AGBL4: variants seen among roughly 807,000 people sequenced by gnomAD.
The protein encoded by AGBL4 is AGBL carboxypeptidase 4.
Under a neutral mutation model 66.4 loss-of-function variants are expected in AGBL4, and 58 were observed. The ratio of observed to expected loss-of-function variants is 0.87; its 90% CI spans 0.71 to 1.09. The LOEUF is 1.09. Among genes scored for constraint, AGBL4 ranks in the 50% least tolerant of loss-of-function variants. The pLI is 0.00. For synonymous variants in AGBL4, 234 were observed against 222.9 expected (o/e 1.05, Z -0.44); for missense variants, 579 against 631.0 (o/e 0.92, Z 0.88).
chr1:50,005,782 T>A (rs959055393), intron 1 of AGBL4, among the ~76,000 whole-genome samples: 2 of 152,124 alleles, frequency 1.3e-5, no homozygotes, highest in African/African-American at 4.8e-5. Flanking sequence ...CAGAATCCTA[T>A]CAGATAAATT....
At chr1:48,746,388 GCAGGT>G (rs1650767685) in intron 6 of AGBL4, among the ~76,000 whole-genome samples, 1 of 152,060 alleles carries the variant, frequency 6.6e-6, no homozygotes, top group East Asian at 2.0e-4. Context: ...CCAGCACAGA[GCAGGT>G]CCTTGTACTC....
intron 5 of AGBL4, among the ~76,000 whole-genome samples, chr1:49,004,485 C>T (rs1296851583): frequency 2.0e-5 from 3 of 152,282 alleles, no homozygotes; most frequent in African/African-American, 7.2e-5. Context: ...ATGAATATGT[C>T]GCAGCCCCTA....
At chr1:49,385,966 T>C (rs1644728236) in intron 3 of AGBL4, among the ~76,000 whole-genome samples, 1 of 152,156 alleles carries the variant, frequency 6.6e-6, no homozygotes. Context: ...AGTACATTAG[T>C]AAAAATCTGT....
chr1:49,078,365 T>C (rs1288180554), intron 4 of AGBL4, among the ~76,000 whole-genome samples: 1 of 152,194 alleles, frequency 6.6e-6, no homozygotes, highest in African/African-American at 2.4e-5. Context: ...GATTTAATTG[T>C]CCACTAGATA....
chr1:49,743,025 G>A (rs1217575607), intron 2 of AGBL4, among the ~76,000 whole-genome samples: 2 of 152,092 alleles, frequency 1.3e-5, no homozygotes, highest in Admixed American at 1.3e-4. Context: ...CAAAAGCAAT[G>A]ACAACAAAAG....
chr1:49,630,883 A>G (rs1253187417), intron 3 of AGBL4, among the ~76,000 whole-genome samples: 1 of 152,218 alleles, frequency 6.6e-6, no homozygotes, highest in Non-Finnish European at 1.5e-5. Context: ...TTAATCGTTA[A>G]ATAGCTAACC....
chr1:49,414,831 T>C (rs1645393452), intron 3 of AGBL4, among the ~76,000 whole-genome samples: 1 of 152,140 alleles, frequency 6.6e-6, no homozygotes, highest in African/African-American at 2.4e-5. Context: ...TTGTGAGGAT[T>C]AGATGTATGT....
At chr1:48,663,655 A>G (rs1000719842) in intron 6 of AGBL4, among the ~76,000 whole-genome samples, 2 of 152,168 alleles carry the variant, frequency 1.3e-5, no homozygotes, top group African/African-American at 4.8e-5. Context: ...GTTTGTTGTG[A>G]TGATTAAACA....
chr1:49,019,120 G>A (rs984842361), intron 5 of AGBL4, among the ~76,000 whole-genome samples: 4 of 152,158 alleles, frequency 2.6e-5, no homozygotes, highest in Admixed American at 2.6e-4. Flanking sequence ...GGCTATTATT[G>A]AAGGTAGTGA....
intron 2 of AGBL4, chr1:49,841,815 T>A (rs1445652109): frequency 6.2e-6 from 2 of 324,372 alleles, no homozygotes; most frequent in South Asian, 3.8e-5. Flanking sequence ...AAAAAAAAAA[T>A]CCCACCGGCA....
At chr1:49,222,275 T>C (rs565430894) in intron 4 of AGBL4, among the ~76,000 whole-genome samples, 1 of 148,032 alleles carries the variant, frequency 6.8e-6, no homozygotes, top group East Asian at 2.0e-4. Context: ...AACCAAAGAA[T>C]ACAACTTAAA....
At chr1:49,341,713 C>T (rs1645542820) in intron 3 of AGBL4, among the ~76,000 whole-genome samples, 1 of 152,094 alleles carries the variant, frequency 6.6e-6, no homozygotes, top group Non-Finnish European at 1.5e-5. Flanking sequence ...TTTTCTCTCC[C>T]AAAGGGGGAA....
rs1271278910 is a variant in AGBL4, at chr1:49,169,624, A to AT, written c.377+76145dup. ...TTTTCATCACTTCAGAAGGCAGCCC[A>AT]TTAAGCAGTTATTTCCCATCCTGCT... On this transcript the variant is annotated intron_variant, in intron 4 of 13. Transcript: ENST00000371839. Among the ~76,000 whole-genome samples the AT allele has an allele frequency of 2.0e-5, 3 of 152,334 alleles. No homozygotes were observed. The East Asian group carries it at 5.8e-4, about 29-fold the overall frequency.
intron 5 of AGBL4, among the ~76,000 whole-genome samples, chr1:48,892,099 C>T (rs571877804): frequency 1.3e-5 from 2 of 152,220 alleles, no homozygotes; most frequent in African/African-American, 2.4e-5. Context: ...TCCAAAAGTT[C>T]TAAGGAGTAA....
chr1:49,877,798 T>C (rs1252934310), intron 1 of AGBL4, among the ~76,000 whole-genome samples: 2 of 151,174 alleles, frequency 1.3e-5, no homozygotes, highest in Non-Finnish European at 3.0e-5. Flanking sequence ...CTGGACTCTT[T>C]TTGGTTGGTA....
intron 3 of AGBL4, among the ~76,000 whole-genome samples, chr1:49,298,390 G>C (rs1644682616): frequency 6.6e-6 from 1 of 152,194 alleles, no homozygotes; most frequent in Admixed American, 6.5e-5. Context: ...CTACTGCAGA[G>C]TTATTACCGT....
intron 2 of AGBL4, among the ~76,000 whole-genome samples, chr1:49,743,245 T>C (rs1261873051): frequency 2.0e-5 from 3 of 152,096 alleles, no homozygotes; most frequent in Non-Finnish European, 4.4e-5. Flanking sequence ...GGGCAAAGGA[T>C]ATGAACAGAC....
intron 2 of AGBL4, among the ~76,000 whole-genome samples, chr1:49,834,691 T>A (rs1395030568): frequency 6.6e-6 from 1 of 152,224 alleles, no homozygotes; most frequent in Admixed American, 6.5e-5. Context: ...TCTTTCCCAC[T>A]TTCTTCTGTG....
At chr1:49,379,388 C>T (rs1273588131) in intron 3 of AGBL4, among the ~76,000 whole-genome samples, 6 of 152,118 alleles carry the variant, frequency 3.9e-5, no homozygotes, top group Admixed American at 3.9e-4. Flanking sequence ...AACTGCCTGG[C>T]ACAGAATGGG....
Sources: gnomAD v4.1 joint callset for allele counts (sites outside exome capture counted in the v4.1 genomes callset) on GRCh38, gnomAD v4.1.1 for gene constraint, MANE v1.5 for transcripts, NCBI Gene and HGNC (gene_info 2026-07-23, HGNC 2026-07-21) for gene names.